Variants in MAPT observed in about 807,000 individuals in gnomAD.
MAPT encodes the protein microtubule-associated protein tau.
MAPT carries 34 observed loss-of-function variants against 67.9 expected under a neutral mutation model. The ratio of observed to expected loss-of-function variants is 0.50; its 90% CI spans 0.38 to 0.67. The LOEUF is 0.67. Among genes scored for constraint, MAPT ranks in the 30% least tolerant of loss-of-function variants. MAPT has a pLI of 0.00. For synonymous variants in MAPT, 456 were observed against 464.5 expected, an observed-to-expected ratio of 0.98 and a Z score of 0.23; for missense variants, 881 against 1,115.2, an observed-to-expected ratio of 0.79 and a Z score of 2.99.
chr17:45,977,983 T>G, intron 3 of MAPT: 1 of 219,712 alleles, frequency 4.6e-6, no homozygotes, highest in Non-Finnish European at 9.2e-6. Context: ...CCAGGCAAAG[T>G]CTTTCCTTGA....
intron 1 of MAPT, among the ~76,000 whole-genome samples, chr17:45,942,229 G>A (rs2068065854): frequency 6.6e-6 from 1 of 152,150 alleles, no homozygotes; most frequent in Non-Finnish European, 1.5e-5. Context: ...CTTTTCTTAT[G>A]TATAAAAATT....
chr17:45,994,531 C>G (rs1011972576), intron 8 of MAPT, among the ~76,000 whole-genome samples: 5 of 152,304 alleles, frequency 3.3e-5, no homozygotes, highest in African/African-American at 9.6e-5. Context: ...ACATCCAAGA[C>G]ATGGAAATCC....
rs2064309257 is a variant in MAPT, at chr17:45,906,355, G to A, written c.-18+11669G>A. On this transcript the variant is annotated intron_variant, in intron 1 of 12. Transcript: ENST00000262410. The surrounding 1 kb of genome is among the most constrained non-coding windows in gnomAD (Gnocchi z 4.3). ...TCTCATATTCTAATTATGCCTAGGAGCAGCCTCTCCCCACCACTCACAGTG... is the reference window on the plus strand; with the variant it reads ...TCTCATATTCTAATTATGCCTAGGAACAGCCTCTCCCCACCACTCACAGTG... Among the ~76,000 whole-genome samples, 5 of 152,136 alleles carry A rather than the reference G, an allele frequency of 3.3e-5. No homozygotes were observed. The highest frequency in any genetic ancestry group is 1.2e-4 in the African/African-American group (5 of 41,426).
intron 1 of MAPT, among the ~76,000 whole-genome samples, chr17:45,898,976 G>C (rs896124958): frequency 6.6e-6 from 1 of 152,054 alleles, no homozygotes; most frequent in Non-Finnish European, 1.5e-5. Flanking sequence ...CACCCCCCTG[G>C]CCACTCCTAA....
intron 1 of MAPT, among the ~76,000 whole-genome samples, chr17:45,931,586 G>T (rs1376565265): frequency 6.6e-6 from 1 of 152,120 alleles, no homozygotes; most frequent in East Asian, 1.9e-4. Flanking sequence ...AGCAGCTACT[G>T]TATTGTACCA....
intron 1 of MAPT, among the ~76,000 whole-genome samples, chr17:45,914,224 C>A (rs111327529): frequency 1.0e-5 from 1 of 99,136 alleles, no homozygotes; most frequent in Non-Finnish European, 2.8e-5. Context: ...GGCAGCCAGG[C>A]TGCCACGCAT....
chr17:45,929,087 C>CTT (rs111555239), intron 1 of MAPT, among the ~76,000 whole-genome samples: 1 of 151,934 alleles, frequency 6.6e-6, no homozygotes, highest in Admixed American at 6.6e-5. Flanking sequence ...ACATTTAAAA[C>CTT]TTTTTTTTAA....
Position 45,982,837 on chromosome 17 carries a change from C to T in MAPT, c.287-29C>T, listed in dbSNP as rs1030827538. ...AAGCGATTAATGCGCCCTTGCTAAC[C>T]TTTTGCTATCGCTGCCTCTTCAAAC... On this transcript the variant is annotated intron_variant, in intron 4 of 12. Coordinates refer to ENST00000262410, the MANE Select transcript of MAPT (RefSeq NM_001377265.1). The T allele has an allele frequency of 1.5e-5, 19 of 1,228,114 alleles. No homozygotes were observed. In the African/African-American group the frequency reaches 2.9e-4, roughly 19 times the overall value. 76.1% of individuals were successfully genotyped at this position (1,228,114 alleles called of 1,614,324 possible). A position where few individuals can be genotyped will look rare whatever the true frequency, so the allele number is the denominator to read the frequency against.
At position 45,896,406 on chromosome 17, in the gene MAPT, GC is replaced by G. The variant is rs2063227020; in HGVS notation, c.-18+1723del. ...CCTGGCGGGGCCTCTCCGGCTTTAC[GC>G]CCTGTTGCTTCGCCTGGCCGGAGAA... On this transcript the variant is annotated intron_variant, in intron 1 of 12. Coordinates refer to ENST00000262410, the MANE Select transcript of MAPT (RefSeq NM_001377265.1). This position sits in a 1 kb window ranked among gnomAD's most constrained non-coding sequence, Gnocchi z 5.6. The G allele has an allele frequency of 6.6e-6, 1 of 152,282 alleles. No homozygotes were observed. Among genetic ancestry groups the G allele is most frequent in the African/African-American group, 2.4e-5 (1 of 41,466 alleles). 9.4% of individuals were successfully genotyped at this position (152,282 alleles called of 1,614,324 possible). A position where few individuals can be genotyped will look rare whatever the true frequency, so the allele number is the denominator to read the frequency against.
At chr17:45,961,904 T>C (rs371554049) in intron 1 of MAPT, among the ~76,000 whole-genome samples, 1 of 152,158 alleles carries the variant, frequency 6.6e-6, no homozygotes, top group Middle Eastern at 3.4e-3. Flanking sequence ...GCCTCCCCAG[T>C]AGCTGGGATT....
chr17:45,926,975 G>A (rs1450329065), intron 1 of MAPT, among the ~76,000 whole-genome samples: 2 of 136,844 alleles, frequency 1.5e-5, no homozygotes, highest in Non-Finnish European at 3.3e-5. Context: ...ATACATATAT[G>A]TGTATATATA....
intron 11 of MAPT, 97 bp from the exon 12 acceptor site, chr17:46,018,521 C>T: frequency 1.1e-6 from 1 of 937,962 alleles, no homozygotes; most frequent in East Asian, 2.4e-5. Flanking sequence ...GCCCCTGGCA[C>T]TTTGCCCTGT....
chr17:46,014,458 T>C (rs1299785045), intron 11 of MAPT, 134 bp downstream of exon 11: 1 of 739,346 alleles, frequency 1.4e-6, no homozygotes, highest in African/African-American at 1.7e-5. Context: ...AAGGAAAGTG[T>C]TGAGTGTGAA....
chr17:46,016,971 G>C (rs953292140), intron 11 of MAPT, among the ~76,000 whole-genome samples: 1 of 152,180 alleles, frequency 6.6e-6, no homozygotes, highest in South Asian at 2.1e-4. Context: ...CGAGAGTCCA[G>C]AGCGGGGACT....
intron 8 of MAPT, among the ~76,000 whole-genome samples, chr17:45,993,588 AT>A (rs1427308154): frequency 5.3e-5 from 8 of 152,266 alleles, no homozygotes; most frequent in Non-Finnish European, 1.0e-4. Flanking sequence ...TAATTTTTGT[AT>A]TTTTAGTAAA....
At position 45,978,371 on chromosome 17, in the gene MAPT, C is replaced by G; in HGVS notation, c.221-4C>G. On this transcript the variant is annotated splice_polypyrimidine_tract_variant and splice_region_variant and intron_variant, in intron 3 of 12. Coordinates refer to ENST00000262410, the MANE Select transcript of MAPT (RefSeq NM_001377265.1). ...CCCCCTTCATTTGCTGACACATACA[C>G]CAGCTGAAGAAGCAGGCATTGGAGA... is the stretch of plus-strand genomic sequence containing the variant. The G allele has an allele frequency of 6.2e-7, 1 of 1,613,076 alleles. No homozygotes were observed.
At position 45,983,658 on chromosome 17, in the gene MAPT, A is replaced by G. The variant is rs1445468026; in HGVS notation, c.1079A>G (p.Asp360Gly). The G allele has an allele frequency of 4.3e-6, 7 of 1,613,820 alleles. No homozygotes were observed. The highest frequency in any genetic ancestry group is 5.9e-6 in the Non-Finnish European group (7 of 1,179,986). ...ACAGAGATCCCAGCCTCAGAGCCCGACGGGCCCAGTGTAGGGCGGGCCAAA... is the reference window on the plus strand; with the variant it reads ...ACAGAGATCCCAGCCTCAGAGCCCGGCGGGCCCAGTGTAGGGCGGGCCAAA... ...VSTEIPASEP[D>G]GPSVGRAKGQ... The change falls in exon 5 of 13, where the codon GAC becomes GGC. Residue 360 changes from aspartate (D) to glycine (G), a missense_variant. By Grantham distance (94) the Asp-to-Gly change is moderately conservative. Coordinates refer to ENST00000262410, the MANE Select transcript of MAPT (RefSeq NM_001377265.1).
chr17:45,951,263 GT>G (rs1299014924), intron 1 of MAPT, among the ~76,000 whole-genome samples: 2 of 152,230 alleles, frequency 1.3e-5, no homozygotes, highest in Non-Finnish European at 2.9e-5. Flanking sequence ...TGGTGAGAAT[GT>G]TTTGGAACTA....
rs1433891652 is a variant in MAPT, at chr17:46,024,397, T to G, written c.*226T>G. 5.1e-6 allele frequency: 3 copies of G among 591,666 alleles called. No individual in the cohort carries two copies. Among genetic ancestry groups the G allele is most frequent in the Non-Finnish European group, 9.0e-6 (3 of 331,806 alleles). The allele number at this position is 591,666 out of a possible 1,614,324, so 36.7% of individuals were successfully genotyped here. ...CATCTTTCCAAATTGATGGGTGGGCTAGTAATAAAATATTTAAAAAAAAAC... is the reference window on the plus strand; with the variant it reads ...CATCTTTCCAAATTGATGGGTGGGCGAGTAATAAAATATTTAAAAAAAAAC... On this transcript the variant is annotated 3_prime_UTR_variant, in exon 13 of 13. Coordinates refer to ENST00000262410, the MANE Select transcript of MAPT (RefSeq NM_001377265.1).
Sources: gnomAD v4.1 joint callset for allele counts (sites outside exome capture counted in the v4.1 genomes callset) on GRCh38, gnomAD v4.1.1 for gene constraint, Gnocchi (gnomAD v3.1) non-coding constraint, MANE v1.5 for transcripts, NCBI Gene and HGNC (gene_info 2026-07-23, HGNC 2026-07-21) for gene names.